ARHGEF11: variants seen among roughly 807,000 people sequenced by gnomAD.
ARHGEF11 encodes Rho guanine exchange factor (GEF) 11.
ARHGEF11 carries 55 observed loss-of-function variants against 193.7 expected under a neutral mutation model. That is an observed-to-expected ratio of 0.28 (90% CI 0.23 to 0.36). The LOEUF is 0.36. Ranked by LOEUF, ARHGEF11 falls within the 10% of genes least tolerant of loss-of-function variation. The pLI is 1.00. For synonymous variants in ARHGEF11, 693 were observed against 768.0 expected, an observed-to-expected ratio of 0.90 and a Z score of 1.62; for missense variants, 1,723 against 2,005.6, an observed-to-expected ratio of 0.86 and a Z score of 2.69.
At chr1:156,957,938 G>T in intron 17 of ARHGEF11, 123 bp from the exon 18 acceptor site, 1 of 855,632 alleles carries the variant, frequency 1.2e-6, no homozygotes, top group Non-Finnish European at 2.0e-6. Flanking sequence ...GAAAAGGAGA[G>T]AAGTACGTCT....
rs1423887408 is a variant in ARHGEF11, at chr1:157,045,710, C to T, written c.-1380G>A. Among the ~76,000 whole-genome samples, 14 of 150,052 alleles carry T rather than the reference C, an allele frequency of 9.3e-5. No individual in the cohort carries two copies. In the East Asian group the frequency reaches 2.5e-3, roughly 27 times the overall value. On this transcript the variant is annotated 5_prime_UTR_variant, in exon 1 of 41. Transcript: ENST00000368194. ...CGGCGCACAGGGAAGGCTGCGGCGG[C>T]TGCGGCAGGCCGGCACGAGCGGGCG...
At chr1:157,024,733 CAA>C (rs1231717476) in intron 1 of ARHGEF11, among the ~76,000 whole-genome samples, 6 of 119,316 alleles carry the variant, frequency 5.0e-5, no homozygotes, top group Admixed American at 8.3e-5. Flanking sequence ...GGGTGAAAGG[CAA>C]AAAAAAAAAA....
At chr1:156,982,262 C>A (rs1572416) in intron 3 of ARHGEF11, among the ~76,000 whole-genome samples, 33,682 of 151,838 alleles carry the variant, frequency 0.22, 3,939 homozygotes, top group East Asian at 0.36. Context: ...TTCAGCAAGC[C>A]TGAGAATCAC....
intron 40 of ARHGEF11, among the ~76,000 whole-genome samples, chr1:156,936,500 ATATATAT>A (rs1557807586): frequency 2.0e-5 from 2 of 101,476 alleles, no homozygotes; most frequent in Non-Finnish European, 3.7e-5. Flanking sequence ...AAAAAAAAAT[ATATATAT>A]ATATATATAT....
chr1:156,938,077 G>A (rs574924441), intron 38 of ARHGEF11, among the ~76,000 whole-genome samples: 1 of 152,220 alleles, frequency 6.6e-6, no homozygotes, highest in Non-Finnish European at 1.5e-5. Flanking sequence ...CACTGGAGCG[G>A]CGGCTGAGGT....
rs766501957 is a variant in ARHGEF11, at chr1:156,937,263, G to A, written c.4426C>T (p.Leu1476Phe). Residue 1476 changes from leucine to phenylalanine, a missense_variant, in exon 39 of 41, where the codon CTC becomes TTC. Leu to Phe is a conservative substitution (Grantham distance 22). This residue lies in a region of ARHGEF11 where 360 missense variants were observed against 344.4 expected (regional missense o/e 1.05). Transcript: ENST00000368194. ...FHTIEQLTLK[L>F]NRLKDMELAH... ...GCTTCCCTCACCTTGAGCCTGTTGA[G>A]CTTGAGAGTGAGCTGCTCAATGGTA... 6.2e-6 allele frequency: 10 copies of A among 1,613,850 alleles called. No homozygotes were observed. The highest frequency in any genetic ancestry group is 1.3e-5 in the African/African-American group (1 of 74,898).
chr1:156,954,677 T>G (rs986558211), intron 21 of ARHGEF11, among the ~76,000 whole-genome samples: 1 of 152,224 alleles, frequency 6.6e-6, no homozygotes, highest in African/African-American at 2.4e-5. Flanking sequence ...GTACCTGGCA[T>G]GAGGGTGGTG....
At position 156,963,849 on chromosome 1, in the gene ARHGEF11, AG is replaced by A. The variant is rs1350166536; in HGVS notation, c.964-256del. On this transcript the variant is annotated intron_variant, in intron 11 of 40. Coordinates refer to ENST00000368194, the MANE Select transcript of ARHGEF11 (RefSeq NM_198236.3). ...CACATGACATATGAAGATGGGAAGTAGGAGAAAATGCTCTCTTCCTGTTTGC... is the reference window on the plus strand; with the variant it reads ...CACATGACATATGAAGATGGGAAGTAGAGAAAATGCTCTCTTCCTGTTTGC... 4 of 1,116,410 alleles carry A rather than the reference AG, an allele frequency of 3.6e-6. No individual in the cohort carries two copies. The Admixed American group carries it at 1.2e-4, about 32-fold the overall frequency. The allele number at this position is 1,116,410 out of a possible 1,614,324, so 69.2% of individuals were successfully genotyped here.
chr1:157,007,826 C>T (rs1668008843), intron 1 of ARHGEF11, among the ~76,000 whole-genome samples: 1 of 151,832 alleles, frequency 6.6e-6, no homozygotes, highest in Non-Finnish European at 1.5e-5. Flanking sequence ...TTATCTAATA[C>T]ACAGTAATAT....
At chr1:157,046,902 T>A (rs1310045160), upstream of ARHGEF11, among the ~76,000 whole-genome samples, 1 of 146,136 alleles carries the variant, frequency 6.8e-6, no homozygotes. Context: ...TCCCAGCTAC[T>A]CGGTAGGCTA....
rs570277062 is a variant in ARHGEF11, at chr1:157,030,394, G to C, written c.32+13905C>G. On this transcript the variant is annotated intron_variant, in intron 1 of 40. Coordinates refer to ENST00000368194, the MANE Select transcript of ARHGEF11 (RefSeq NM_198236.3). ...GCCACTCTCCCCACCATTAACCAATGAGGAGGCAAAGAAGAGGGACTTATC... is the reference window on the plus strand; with the variant it reads ...GCCACTCTCCCCACCATTAACCAATCAGGAGGCAAAGAAGAGGGACTTATC... Among the ~76,000 whole-genome samples the C allele has an allele frequency of 6.4e-4, 97 of 152,222 alleles. No homozygotes were observed. In the Middle Eastern group the frequency reaches 0.017, roughly 27 times the overall value.
intron 1 of ARHGEF11, among the ~76,000 whole-genome samples, chr1:157,001,309 A>G (rs1488061286): frequency 6.6e-6 from 1 of 152,198 alleles, no homozygotes; most frequent in Admixed American, 6.5e-5. Flanking sequence ...GAGCTCTACA[A>G]AGTATACTTG....
At chr1:156,958,944 C>G in intron 16 of ARHGEF11, 80 bp from the exon 17 acceptor site, 1 of 1,609,356 alleles carries the variant, frequency 6.2e-7, no homozygotes. Context: ...ACAAGACAAA[C>G]ACATATAACA....
At chr1:156,972,167 T>C (rs562139046) in intron 7 of ARHGEF11, among the ~76,000 whole-genome samples, 1 of 152,064 alleles carries the variant, frequency 6.6e-6, no homozygotes, top group African/African-American at 2.4e-5. Context: ...GACCAGAACA[T>C]AAAAAAGTGC....
chr1:156,946,273 T>C (rs959669423), intron 28 of ARHGEF11, 111 bp from the exon 29 acceptor site: 14 of 839,198 alleles, frequency 1.7e-5, no homozygotes, highest in South Asian at 7.9e-5. Context: ...TAACGCCAGA[T>C]GGATCACTCA....
At chr1:157,019,254 C>CA (rs1263226894) in intron 1 of ARHGEF11, among the ~76,000 whole-genome samples, 1 of 151,804 alleles carries the variant, frequency 6.6e-6, no homozygotes, top group Non-Finnish European at 1.5e-5. Context: ...AATACTTCAA[C>CA]AAAAAAAGGC....
In ARHGEF11 at chr1:156,940,223, G is replaced by T. The variant is rs1369508971; in HGVS notation, c.3717C>A (p.Asp1239Glu). Residue 1239 changes from aspartate (D) to glutamate (E), a missense_variant, in exon 36 of 41, where the codon GAC becomes GAA. Asp to Glu is a conservative substitution (Grantham distance 45, BLOSUM62 2). Coordinates refer to ENST00000368194, the MANE Select transcript of ARHGEF11 (RefSeq NM_198236.3). ...PGPLFMEGLA[D>E]SALEDVENLR... Reference sequence around the variant, plus strand: ...AGCACTCACCATCTTCCAGAGCGGAGTCAGCGAGCCCTTCCATGAACAGAG... The same window carrying T: ...AGCACTCACCATCTTCCAGAGCGGATTCAGCGAGCCCTTCCATGAACAGAG... 1 of 1,589,378 alleles carries T rather than the reference G, an allele frequency of 6.3e-7. No individual in the cohort carries two copies. The highest frequency in any genetic ancestry group is 8.6e-7 in the Non-Finnish European group (1 of 1,164,532).
intron 1 of ARHGEF11, among the ~76,000 whole-genome samples, chr1:157,007,913 GT>G (rs10580966): frequency 0.72 from 85,988 of 119,384 alleles, 29,019 homozygotes; most frequent in Middle Eastern, 0.8. Context: ...TTTTTTTTTT[GT>G]TTTTTTTTTT....
In ARHGEF11 at chr1:156,966,904, G is replaced by A. The variant is rs369354945; in HGVS notation, c.963+1083C>T. Among the ~76,000 whole-genome samples, 4 of 152,264 alleles carry A rather than the reference G, an allele frequency of 2.6e-5. No homozygotes were observed. In the East Asian group the frequency reaches 7.7e-4, roughly 29 times the overall value. On this transcript the variant is annotated intron_variant, in intron 11 of 40. Coordinates refer to ENST00000368194, the MANE Select transcript of ARHGEF11 (RefSeq NM_198236.3). ...TACATCACGTAGTTTAAAATTAAAA[G>A]GACACAAAGGGGTAAAGATAATAAA...
Sources: gnomAD v4.1 joint callset for allele counts (sites outside exome capture counted in the v4.1 genomes callset) on GRCh38, gnomAD v4.1.1 for gene constraint, gnomAD v4.1.1 regional missense constraint, MANE v1.5 for transcripts, NCBI Gene and HGNC (gene_info 2026-07-23, HGNC 2026-07-21) for gene names.